Variants in PEX7 observed in about 807,000 individuals in gnomAD.
PEX7 encodes peroxisomal biogenesis factor 7.
Under a neutral mutation model 47.5 loss-of-function variants are expected in PEX7, and 34 were observed. The observed-to-expected ratio is 0.72, with a 90% confidence interval of 0.54 to 0.95. The LOEUF (loss-of-function observed/expected upper bound fraction) is 0.95. PEX7 is among the 40% of genes least tolerant of loss of function. The pLI is 0.00. For missense variants in PEX7, 394 were observed against 400.3 expected (o/e 0.98, Z 0.13); for synonymous variants, 141 against 148.8 (o/e 0.95, Z 0.38).
chr6:136,863,864 G>A (rs1179206574), intron 5 of PEX7, among the ~76,000 whole-genome samples: 2 of 152,128 alleles, frequency 1.3e-5, no homozygotes, highest in Non-Finnish European at 2.9e-5. Context: ...AGCTGAGATC[G>A]CATCACTGCA....
intron 5 of PEX7, among the ~76,000 whole-genome samples, chr6:136,866,252 A>G (rs1775070313): frequency 6.6e-6 from 1 of 152,082 alleles, no homozygotes; most frequent in Admixed American, 6.5e-5. Flanking sequence ...TAGCAGTAAA[A>G]TTGTTACTCT....
In PEX7 at chr6:136,846,324, CTTTTTTTATTTTTA is replaced by C. The variant is rs908201990; in HGVS notation, c.526+160_526+173del. The stretch of plus-strand genomic sequence containing the variant: ...CTTTTGTGTTCTTAAGACTTTACTT[CTTTTTTTATTTTTA>C]TTTTTTTATTTTTATTATTATACTT... On this transcript the variant is annotated intron_variant, in intron 5 of 9. Transcript: ENST00000318471. 2.9e-5 allele frequency: 13 copies of C among 443,298 alleles called. 1 individual carries two copies. The highest frequency in any genetic ancestry group is 6.6e-5 in the South Asian group (1 of 15,126). The allele number at this position is 443,298 out of a possible 1,614,324, so 27.5% of individuals were successfully genotyped here.
At chr6:136,829,545 A>C (rs528837289) in intron 3 of PEX7, among the ~76,000 whole-genome samples, 1 of 152,304 alleles carries the variant, frequency 6.6e-6, no homozygotes, top group South Asian at 2.1e-4. Context: ...TTGTGGGGAT[A>C]TATTCAGTCC....
chr6:136,845,968 T>C, intron 4 of PEX7, 105 bp from the exon 5 acceptor site: 2 of 733,466 alleles, frequency 2.7e-6, no homozygotes, highest in Non-Finnish European at 4.9e-6. Flanking sequence ...ATATATATTG[T>C]ATGCATATAT....
intron 5 of PEX7, among the ~76,000 whole-genome samples, chr6:136,860,443 A>G (rs1420726698): frequency 7.0e-6 from 1 of 143,570 alleles, no homozygotes; most frequent in African/African-American, 2.6e-5. Flanking sequence ...ATATTGCATG[A>G]AAGTGGTGGT....
chr6:136,824,595 T>C (rs1051423991), intron 1 of PEX7, among the ~76,000 whole-genome samples: 1 of 152,178 alleles, frequency 6.6e-6, no homozygotes, highest in African/African-American at 2.4e-5. Flanking sequence ...GAAGAGATTT[T>C]CCCCCTTGGT....
chr6:136,854,371 G>GA (rs1774820942), intron 5 of PEX7, among the ~76,000 whole-genome samples: 1 of 152,088 alleles, frequency 6.6e-6, no homozygotes, highest in Non-Finnish European at 1.5e-5. Context: ...ATTTTTAGTA[G>GA]AGACAGGGTT....
At chr6:136,845,742 T>G in intron 4 of PEX7, 50 bp downstream of exon 4, 4 of 1,098,688 alleles carry the variant, frequency 3.6e-6, no homozygotes, top group Non-Finnish European at 5.6e-6. Context: ...TCTCTAGAGC[T>G]TCCACTAAAT....
At chr6:136,848,405 A>T (rs917478883) in intron 5 of PEX7, among the ~76,000 whole-genome samples, 1 of 152,186 alleles carries the variant, frequency 6.6e-6, no homozygotes, top group African/African-American at 2.4e-5. Context: ...GAGAGAGGGC[A>T]TCCCTATCTT....
chr6:136,857,001 C>A (rs1449596803), intron 5 of PEX7, among the ~76,000 whole-genome samples: 2 of 152,132 alleles, frequency 1.3e-5, no homozygotes, highest in African/African-American at 4.8e-5. Flanking sequence ...TGAAATAATC[C>A]TTTGTGGTGA....
At chr6:136,840,297 GTTC>G (rs1442515616) in intron 3 of PEX7, among the ~76,000 whole-genome samples, 2 of 151,976 alleles carry the variant, frequency 1.3e-5, no homozygotes, top group African/African-American at 4.8e-5. Context: ...TAGTCTTATC[GTTC>G]TTCTCTCTGC....
chr6:136,910,421 G>A (rs929304067), intron 9 of PEX7, among the ~76,000 whole-genome samples: 16 of 152,188 alleles, frequency 1.1e-4, no homozygotes, highest in African/African-American at 3.9e-4. Context: ...AGACAGAAAG[G>A]GAGGGAGAAG....
At position 136,849,324 on chromosome 6, in the gene PEX7, T is replaced by C. The variant is rs572131248; in HGVS notation, c.526+3143T>C. 1.8e-4 allele frequency among the ~76,000 whole-genome samples: 27 copies of C among 152,332 alleles called. No homozygotes were observed. In the East Asian group the frequency reaches 5.0e-3, roughly 28 times the overall value. On this transcript the variant is annotated intron_variant, in intron 5 of 9. Coordinates refer to ENST00000318471, the MANE Select transcript of PEX7 (RefSeq NM_000288.4). ...CCAGCTCCTGGATTCATTGATTTTTTTGAAGGGTTTTTTGTGTCTCTATCT... is the reference window on the plus strand; with the variant it reads ...CCAGCTCCTGGATTCATTGATTTTTCTGAAGGGTTTTTTGTGTCTCTATCT...
At chr6:136,904,836 C>G (rs1391296788) in intron 9 of PEX7, among the ~76,000 whole-genome samples, 1 of 152,150 alleles carries the variant, frequency 6.6e-6, no homozygotes, top group Non-Finnish European at 1.5e-5. Flanking sequence ...CATCCCTTCA[C>G]TGTTGACATC....
At chr6:136,837,824 A>ACG (rs964560177) in intron 3 of PEX7, among the ~76,000 whole-genome samples, 2 of 151,750 alleles carry the variant, frequency 1.3e-5, no homozygotes, top group African/African-American at 4.8e-5. Flanking sequence ...ACACACACAC[A>ACG]CACACACACA....
rs1057516737 is a variant in PEX7, at chr6:136,822,746, C to T, written c.81C>T (p.Tyr27=). The change falls in exon 1 of 10, where the codon TAC becomes TAT. Residue 27 remains tyrosine, a synonymous_variant. Transcript: ENST00000318471. ...RHGYAAEFSP[Y]LPGRLACATA... is the part of the protein sequence containing the mutation. ...GCTACGCCGCCGAGTTCTCCCCGTACCTGCCGGGCCGCCTGGCCTGCGCCA... is the reference window on the plus strand; with the variant it reads ...GCTACGCCGCCGAGTTCTCCCCGTATCTGCCGGGCCGCCTGGCCTGCGCCA... The T allele has an allele frequency of 6.7e-7, 1 of 1,491,378 alleles. No homozygotes were observed. Among genetic ancestry groups the T allele is most frequent in the East Asian group, 2.8e-5 (1 of 35,750 alleles). The allele number at this position is 1,491,378 out of a possible 1,614,324, so 92.4% of individuals were successfully genotyped here. A position where few individuals can be genotyped will look rare whatever the true frequency, so the allele number is the denominator to read the frequency against.
At chr6:136,896,447 G>GTT (rs1261172549) in intron 8 of PEX7, among the ~76,000 whole-genome samples, 1 of 152,174 alleles carries the variant, frequency 6.6e-6, no homozygotes, top group Non-Finnish European at 1.5e-5. Flanking sequence ...TGTTGAGGAT[G>GTT]TTCTTATTAC....
chr6:136,898,396 A>G (rs1423115085), intron 9 of PEX7, among the ~76,000 whole-genome samples, 155 bp downstream of exon 9: 2 of 152,262 alleles, frequency 1.3e-5, no homozygotes, highest in African/African-American at 4.8e-5. Context: ...AGGTATCAAG[A>G]AAGTTGACAT....
intron 8 of PEX7, 78 bp downstream of exon 8, chr6:136,872,331 A>T: frequency 2.0e-6 from 2 of 1,021,556 alleles, no homozygotes; most frequent in Non-Finnish European, 3.0e-6. Flanking sequence ...AAGAGATAAT[A>T]TGATTACTCT....
Sources: gnomAD v4.1 joint callset for allele counts (sites outside exome capture counted in the v4.1 genomes callset) on GRCh38, gnomAD v4.1.1 for gene constraint, MANE v1.5 for transcripts, NCBI Gene and HGNC (gene_info 2026-07-23, HGNC 2026-07-21) for gene names.